The following PXDN variants were observed in gnomAD, a reference collection of about 807,000 sequenced individuals.
The protein encoded by PXDN is peroxidasin homolog.
A neutral mutation model predicts 140.3 loss-of-function variants in PXDN; 77 were observed. The ratio of observed to expected loss-of-function variants is 0.55; its 90% CI spans 0.46 to 0.66. The LOEUF (loss-of-function observed/expected upper bound fraction) is 0.66. Ranked by LOEUF, PXDN falls within the 30% of genes least tolerant of loss-of-function variation. The pLI, the probability that PXDN is intolerant of heterozygous loss-of-function variation, is 0.00. For synonymous variants in PXDN, 911 were observed against 857.4 expected (o/e 1.06, Z -1.09); for missense variants, 1,838 against 2,039.5 (o/e 0.90, Z 1.90).
At chr2:1,702,678 G>C (rs1002624066) in intron 1 of PXDN, among the ~76,000 whole-genome samples, 3 of 151,958 alleles carry the variant, frequency 2.0e-5, no homozygotes, top group African/African-American at 4.8e-5. Context: ...GCCCAGGCTG[G>C]AGTGCACTGG....
chr2:1,661,534 C>A (rs1205796966), intron 13 of PXDN, among the ~76,000 whole-genome samples: 1 of 140,450 alleles, frequency 7.1e-6, no homozygotes, highest in Non-Finnish European at 1.6e-5. Flanking sequence ...CAGGGCAGTG[C>A]AGGGATGCAG....
chr2:1,722,160 G>A (rs17039006), intron 1 of PXDN, among the ~76,000 whole-genome samples: 6,457 of 152,320 alleles, frequency 0.042, 432 homozygotes, highest in African/African-American at 0.15. Context: ...AAGTTTCTGA[G>A]CGAGCGGACA....
intron 12 of PXDN, among the ~76,000 whole-genome samples, chr2:1,663,006 G>A (rs1385369882): frequency 6.6e-6 from 1 of 152,218 alleles, no homozygotes; most frequent in African/African-American, 2.4e-5. Context: ...GCAACACGGG[G>A]GCTGGGCCAG....
intron 6 of PXDN, among the ~76,000 whole-genome samples, chr2:1,683,008 T>C (rs1044552323): frequency 2.0e-5 from 3 of 152,154 alleles, no homozygotes; most frequent in African/African-American, 4.8e-5. Flanking sequence ...ACAGAGGTTC[T>C]TTCCACACTG....
intron 1 of PXDN, among the ~76,000 whole-genome samples, chr2:1,702,756 G>A (rs1684465781): frequency 6.6e-6 from 1 of 151,024 alleles, no homozygotes; most frequent in Non-Finnish European, 1.5e-5. Flanking sequence ...AGCCTCCCGA[G>A]TAGCTGGGAC....
chr2:1,658,619 G>C (rs1042731763), intron 14 of PXDN, among the ~76,000 whole-genome samples: 12 of 152,014 alleles, frequency 7.9e-5, no homozygotes, highest in Middle Eastern at 3.2e-3. Flanking sequence ...CCAAATCTTA[G>C]GAAAGCAGAC....
Position 1,648,073 on chromosome 2 carries a change from A to C in PXDN, c.3608+99T>G. On this transcript the variant is annotated intron_variant, in intron 17 of 22. Coordinates refer to ENST00000252804, the MANE Select transcript of PXDN (RefSeq NM_012293.3). The surrounding 1 kb of genome is among the most constrained non-coding windows in gnomAD (Gnocchi z 8.9). The stretch of plus-strand genomic sequence containing the variant: ...TTCATCTCACCTCTGCACGACACGA[A>C]CAAAACTCACACACAGAGACAAATA... The C allele has an allele frequency of 6.8e-7, 1 of 1,473,508 alleles. No individual in the cohort carries two copies. Among genetic ancestry groups the C allele is most frequent in the South Asian group, 1.3e-5 (1 of 76,068 alleles). 91.3% of individuals were successfully genotyped at this position (1,473,508 alleles called of 1,614,324 possible). A position where few individuals can be genotyped will look rare whatever the true frequency, so the allele number is the denominator to read the frequency against.
intron 1 of PXDN, among the ~76,000 whole-genome samples, chr2:1,708,141 C>G (rs1039179460): frequency 6.6e-6 from 1 of 152,218 alleles, no homozygotes; most frequent in African/African-American, 2.4e-5. Flanking sequence ...TTGGAGCTGG[C>G]CTTGCTGGAG....
At chr2:1,722,989 G>A (rs6735777) in intron 1 of PXDN, among the ~76,000 whole-genome samples, 21,980 of 150,470 alleles carry the variant, frequency 0.15, 2,051 homozygotes, top group East Asian at 0.31. Flanking sequence ...ACGCATCATG[G>A]ATGGATAGAT....
chr2:1,661,292 T>C (rs560218454), intron 13 of PXDN, among the ~76,000 whole-genome samples: 1 of 152,212 alleles, frequency 6.6e-6, no homozygotes, highest in South Asian at 2.1e-4. Context: ...GCAAGGATGA[T>C]TTTCCACAAT....
In PXDN at chr2:1,673,770, C is replaced by T; in HGVS notation, c.891G>A (p.Leu297=). The change falls in exon 9 of 23, where the codon CTG becomes CTA. Residue 297 remains leucine, a synonymous_variant. Coordinates refer to ENST00000252804, the MANE Select transcript of PXDN (RefSeq NM_012293.3). ...SMKTDSRLNL[L]DDGTLMIQNT... Reference sequence around the variant, plus strand: ...TCTGGATCATCAGGGTCCCATCGTCCAGCAAGTTTAGGCGGGAATCTGTCT... The same window carrying T: ...TCTGGATCATCAGGGTCCCATCGTCTAGCAAGTTTAGGCGGGAATCTGTCT... 1 of 1,614,004 alleles carries T rather than the reference C, an allele frequency of 6.2e-7. No homozygotes were observed. Among genetic ancestry groups the T allele is most frequent in the South Asian group, 1.1e-5 (1 of 91,084 alleles).
chr2:1,640,303 T>G (rs1461139371), intron 19 of PXDN, among the ~76,000 whole-genome samples: 1 of 152,204 alleles, frequency 6.6e-6, no homozygotes, highest in Non-Finnish European at 1.5e-5. Context: ...AGCACGAAAG[T>G]GAAGGGCAAA....
chr2:1,735,815 T>C (rs1217542656), intron 1 of PXDN, among the ~76,000 whole-genome samples: 3 of 152,214 alleles, frequency 2.0e-5, no homozygotes, highest in Non-Finnish European at 4.4e-5. Flanking sequence ...AGCCAGGCAA[T>C]GACTTCTCCT....
rs76301307 is a variant in PXDN at position 1,678,710 on chromosome 2, C to G, written c.730+1483G>C. Among the ~76,000 whole-genome samples, 1,503 of 152,338 alleles carry G rather than the reference C, an allele frequency of 9.9e-3. 22 individuals are homozygous for G. The highest frequency in any genetic ancestry group is 0.035 in the African/African-American group (1,440 of 41,576). On this transcript the variant is annotated intron_variant, in intron 7 of 22. Transcript: ENST00000252804. ...TGGGCAACACAGGTCCCTGGGCCCCCCTGAGCACCGAGGGCCCTCCCTTCA... is the reference window on the plus strand; with the variant it reads ...TGGGCAACACAGGTCCCTGGGCCCCGCTGAGCACCGAGGGCCCTCCCTTCA...
chr2:1,658,844 G>A (rs186147154), intron 14 of PXDN, among the ~76,000 whole-genome samples: 101 of 137,974 alleles, frequency 7.3e-4, no homozygotes, highest in African/African-American at 2.6e-3. Flanking sequence ...ATCTCCCCGC[G>A]GCTCCCTCTG....
intron 1 of PXDN, among the ~76,000 whole-genome samples, chr2:1,708,396 G>A (rs1684672044): frequency 6.6e-6 from 1 of 152,186 alleles, no homozygotes; most frequent in South Asian, 2.1e-4. Context: ...CCTGTGGATG[G>A]ACTGAAGGGC....
chr2:1,701,505 G>A (rs1247700719), intron 1 of PXDN, among the ~76,000 whole-genome samples: 3 of 152,190 alleles, frequency 2.0e-5, no homozygotes, highest in Non-Finnish European at 2.9e-5. Flanking sequence ...TATTTTGGAG[G>A]AAGAGTGGGT....
At chr2:1,655,356 A>C (rs758139767) in intron 14 of PXDN, among the ~76,000 whole-genome samples, 2 of 150,358 alleles carry the variant, frequency 1.3e-5, no homozygotes, top group Non-Finnish European at 3.0e-5. Flanking sequence ...CCACACATAT[A>C]GTACATTATA....
At chr2:1,643,706 T>C in intron 18 of PXDN, 130 bp from the exon 19 acceptor site, 1 of 897,194 alleles carries the variant, frequency 1.1e-6, no homozygotes, top group Admixed American at 2.2e-5. Flanking sequence ...TAGGTGTCAC[T>C]TAAAAATGGA....
Sources: allele counts gnomAD v4.1 joint callset (sites outside exome capture counted in the v4.1 genomes callset), GRCh38; gene constraint gnomAD v4.1.1; non-coding constraint Gnocchi (gnomAD v3.1); transcripts MANE v1.5; gene names NCBI Gene and HGNC (gene_info 2026-07-23, HGNC 2026-07-21).